UFSP2: variants seen among roughly 807,000 people sequenced by gnomAD.
UFSP2 encodes the protein ufm1-specific protease 2.
UFSP2 carries 43 observed loss-of-function variants against 60.2 expected under a neutral mutation model. The observed-to-expected ratio is 0.71, with a 90% CI of 0.56 to 0.92. UFSP2 has a LOEUF of 0.92. Among genes scored for constraint, UFSP2 ranks in the 40% least tolerant of loss-of-function variants. The pLI, the probability that UFSP2 is intolerant of heterozygous loss-of-function variation, is 0.00. For synonymous variants in UFSP2, 183 were observed against 195.1 expected (o/e 0.94, Z 0.52); for missense variants, 520 against 575.0 (o/e 0.90, Z 0.98).
In UFSP2 at chr4:185,408,370, G is replaced by A. The variant is rs1309400801; in HGVS notation, c.897C>T (p.Gly299=). The stretch of plus-strand genomic sequence containing the variant: ...GCAGAGATCGATAAGCACAGCCCCA[G>A]CCATTGTCATCTATGCGATCCTGCA... ...HYMQDRIDDN[G]WGCAYRSLQT... The change falls in exon 8 of 12, where the codon GGC becomes GGT. Residue 299 remains glycine, a synonymous_variant. Transcript: ENST00000264689. 1 of 1,614,070 alleles carries A rather than the reference G, an allele frequency of 6.2e-7. No individual in the cohort carries two copies. The highest frequency in any genetic ancestry group is 1.7e-5 in the Admixed American group (1 of 60,006).
Position 185,403,525 on chromosome 4 carries a change from C to G in UFSP2, c.1292G>C (p.Gly431Ala), listed in dbSNP as rs1430368419. ...KFLILDPHYTGAEDLQVILEK... is the reference protein window; with the variant it reads ...KFLILDPHYTAAEDLQVILEK... Reference sequence around the variant, plus strand: ...CAAAATAACTTGCAGGTCTTCAGCACCGGTATAATGTGGATCTAGAATCAG... The same window carrying G: ...CAAAATAACTTGCAGGTCTTCAGCAGCGGTATAATGTGGATCTAGAATCAG... The change falls in exon 11 of 12, where the codon GGT (glycine) becomes GCT (alanine). Residue 431 changes from glycine (G) to alanine (A), a missense_variant. Transcript: ENST00000264689. 6.2e-7 allele frequency: 1 copy of G among 1,614,016 alleles called. No individual in the cohort carries two copies. The highest frequency in any genetic ancestry group is 1.7e-5 in the Admixed American group (1 of 59,976).
Position 185,415,222 on chromosome 4 carries a change from T to A in UFSP2, c.617A>T (p.Lys206Ile). The A allele has an allele frequency of 6.2e-7, 1 of 1,608,534 alleles. No homozygotes were observed. The highest frequency in any genetic ancestry group is 2.2e-5 in the East Asian group (1 of 44,570). Residue 206 changes from lysine to isoleucine, a missense_variant, in exon 6 of 12, where the codon AAA (lysine) becomes ATA (isoleucine). Transcript: ENST00000264689. ...PEPLHFLLPG[K>I]KNLVTISYPS... is the part of the protein sequence containing the mutation. ...ATATGAAATTGTTACAAGATTTTTT[T>A]TCCCTGGTAATAAAAAGTGCAGTGG...
At position 185,415,304 on chromosome 4, in the gene UFSP2, CAGTT is replaced by C. The variant is rs1461876612; in HGVS notation, c.531_534del (p.Asp179TrpfsTer6). 1 of 1,600,054 alleles carries C rather than the reference CAGTT, an allele frequency of 6.2e-7. No individual in the cohort carries two copies. The highest frequency in any genetic ancestry group is 8.5e-7 in the Non-Finnish European group (1 of 1,176,950). On this transcript the variant is annotated frameshift_variant, in exon 6 of 12. Coordinates refer to ENST00000264689, the MANE Select transcript of UFSP2 (RefSeq NM_018359.5). LOFTEE classifies it high-confidence loss of function. Reference sequence around the variant, plus strand: ...TATTTCAAAATACATTTTTCCATGTCAGTTAGTTGATTATGAATTGCATCAACCA... The same window carrying C: ...TATTTCAAAATACATTTTTCCATGTCAGTTGATTATGAATTGCATCAACCA...
intron 7 of UFSP2, among the ~76,000 whole-genome samples, chr4:185,412,197 C>T (rs141066276): frequency 1.2e-3 from 178 of 152,216 alleles, no homozygotes; most frequent in Admixed American, 5.8e-3. Context: ...ATTTTTCTTA[C>T]GACCTTGTAA....
chr4:185,403,799 CCT>C (rs1390395264), intron 10 of UFSP2, among the ~76,000 whole-genome samples, 181 bp from the exon 11 acceptor site: 6 of 151,410 alleles, frequency 4.0e-5, no homozygotes, highest in Non-Finnish European at 5.9e-5. Context: ...GCAGTGAAAC[CCT>C]GTCTCTACTA....
Position 185,418,476 on chromosome 4 carries a change from A to C in UFSP2, c.298T>G (p.Phe100Val). Reference sequence around the variant, plus strand: ...AACTTTTTGTCCTTCTTTCTCATGAATTTTCTTTTTATATCTTCTTCTGGC... The same window carrying C: ...AACTTTTTGTCCTTCTTTCTCATGACTTTTCTTTTTATATCTTCTTCTGGC... ...FEPEEDIKRK[F>V]MRKKDKKLSD... The change falls in exon 4 of 12, where the codon TTC (phenylalanine) becomes GTC (valine). Residue 100 changes from phenylalanine (F) to valine (V), a missense_variant. Coordinates refer to ENST00000264689, the MANE Select transcript of UFSP2 (RefSeq NM_018359.5). 1 of 1,611,614 alleles carries C rather than the reference A, an allele frequency of 6.2e-7. No individual in the cohort carries two copies. The highest frequency in any genetic ancestry group is 8.5e-7 in the Non-Finnish European group (1 of 1,178,268).
At position 185,418,436 on chromosome 4, in the gene UFSP2, C is replaced by G; in HGVS notation, c.333+5G>C. The G allele has an allele frequency of 6.3e-7, 1 of 1,598,926 alleles. No homozygotes were observed. The highest frequency in any genetic ancestry group is 1.1e-5 in the South Asian group (1 of 90,230). On this transcript the variant is annotated splice_donor_5th_base_variant and intron_variant, in intron 4 of 11. Transcript: ENST00000264689. ...ATCAGTACAGAAGACAGATAGTTTG[C>G]TTACCATGTCTGATAACTTTTTGTC...
chr4:185,415,669 C>T, intron 5 of UFSP2, 41 bp downstream of exon 5: 3 of 1,555,478 alleles, frequency 1.9e-6, no homozygotes, highest in Non-Finnish European at 1.7e-6. Flanking sequence ...TGGGGAAGGG[C>T]CCTCATTCAA....
chr4:185,411,862 G>T (rs910536494), intron 7 of UFSP2, among the ~76,000 whole-genome samples: 1 of 152,200 alleles, frequency 6.6e-6, no homozygotes, highest in African/African-American at 2.4e-5. Context: ...GCAAGCTGCA[G>T]AGACTACGTA....
intron 7 of UFSP2, among the ~76,000 whole-genome samples, chr4:185,410,254 T>C (rs2095526920): frequency 6.6e-6 from 1 of 151,922 alleles, no homozygotes; most frequent in Non-Finnish European, 1.5e-5. Context: ...TAGAAAAATA[T>C]AAAAATACTT....
At chr4:185,400,550 A>C in intron 11 of UFSP2, 72 bp from the exon 12 acceptor site, 1 of 1,132,122 alleles carries the variant, frequency 8.8e-7, no homozygotes, top group Middle Eastern at 2.0e-4. Flanking sequence ...TCGTGACATC[A>C]GGCTCTGTCA....
rs1462185173 is a variant in UFSP2, at chr4:185,399,853, T to C, written c.*539A>G. 3.2e-6 allele frequency: 5 copies of C among 1,579,446 alleles called. No individual in the cohort carries two copies. In the African/African-American group the frequency reaches 6.8e-5, roughly 21 times the overall value. On this transcript the variant is annotated 3_prime_UTR_variant, in exon 12 of 12. Transcript: ENST00000264689. ...TAGCATTTATTATTCCATTTAATAC[T>C]GACACTCGTATTTCTAGTAGTATTG...
chr4:185,415,260 A>G lies in UFSP2; in HGVS notation c.579T>C (p.Ile193=). The G allele has an allele frequency of 6.2e-7, 1 of 1,602,488 alleles. No individual in the cohort carries two copies. ...CILKYMKGTS[I]VVPEPLHFLL... ...AAAAGTGCAGTGGTTCAGGGACCAC[A>G]ATAGATGTTCCTTTCATATATTTCA... The change falls in exon 6 of 12, where the codon ATT becomes ATC. Residue 193 remains isoleucine, a synonymous_variant. Coordinates refer to ENST00000264689, the MANE Select transcript of UFSP2 (RefSeq NM_018359.5).
At chr4:185,413,956 T>G in intron 6 of UFSP2, 84 bp from the exon 7 acceptor site, 1 of 1,261,834 alleles carries the variant, frequency 7.9e-7, no homozygotes, top group Non-Finnish European at 1.1e-6. Context: ...TTATTAAACA[T>G]GGAAAATTAT....
intron 7 of UFSP2, among the ~76,000 whole-genome samples, chr4:185,412,625 G>C (rs1407431684): frequency 7.9e-5 from 12 of 152,144 alleles, no homozygotes; most frequent in Admixed American, 5.2e-4. Context: ...GGAAGAACAG[G>C]AAAAAGTGAC....
intron 4 of UFSP2, among the ~76,000 whole-genome samples, chr4:185,417,456 C>T (rs1236934566): frequency 1.3e-5 from 2 of 152,224 alleles, no homozygotes; most frequent in African/African-American, 4.8e-5. Context: ...ACACAAGAAA[C>T]TGATCTTGCC....
rs201506948 is a variant in UFSP2, at chr4:185,425,863, C to T, written c.3+3G>A. ...GGGGTCGGTGACGAGCAGAGATACT[C>T]ACCATGTCCGCGACGTGGCGGTGAC... On this transcript the variant is annotated splice_donor_region_variant and intron_variant, in intron 1 of 11. Transcript: ENST00000264689. 1 of 1,604,290 alleles carries T rather than the reference C, an allele frequency of 6.2e-7. No individual in the cohort carries two copies. Among genetic ancestry groups the T allele is most frequent in the African/African-American group, 1.3e-5 (1 of 74,948 alleles).
chr4:185,403,563 C>G lies in UFSP2; in HGVS notation c.1254G>C (p.Gly418=). 6.2e-7 allele frequency: 1 copy of G among 1,614,148 alleles called. No individual in the cohort carries two copies. Among genetic ancestry groups the G allele is most frequent in the Non-Finnish European group, 8.5e-7 (1 of 1,180,026 alleles). Residue 418 remains glycine (G), a synonymous_variant, in exon 11 of 12, where the codon GGG becomes GGC. Coordinates refer to ENST00000264689, the MANE Select transcript of UFSP2 (RefSeq NM_018359.5). ...GATCTAGAATCAGAAACTTTATCTG[C>G]CCTGTAATCTCATTCCATGCAACTC... is the stretch of plus-strand genomic sequence containing the variant. The part of the protein sequence containing the change: ...ILGVAWNEIT[G]QIKFLILDPH...
chr4:185,423,688 C>A (rs1444666008), intron 1 of UFSP2, among the ~76,000 whole-genome samples: 1 of 152,114 alleles, frequency 6.6e-6, no homozygotes, highest in African/African-American at 2.4e-5. Context: ...CTAATCAGTT[C>A]TTTACTTGGA....
Sources: gnomAD v4.1 joint callset for allele counts (sites outside exome capture counted in the v4.1 genomes callset) on GRCh38, gnomAD v4.1.1 for gene constraint, MANE v1.5 for transcripts, NCBI Gene and HGNC (gene_info 2026-07-23, HGNC 2026-07-21) for gene names.